Variants in UROS observed in about 807,000 individuals in gnomAD.
UROS encodes the protein uroporphyrinogen-III synthase.
UROS carries 18 observed loss-of-function variants against 33.0 expected under a neutral mutation model. The observed-to-expected ratio is 0.55, with a 90% CI of 0.38 to 0.81. The LOEUF (loss-of-function observed/expected upper bound fraction) is 0.81. UROS is among the 30% of genes least tolerant of loss of function. UROS has a pLI of 0.00. For missense variants in UROS, 293 were observed against 314.9 expected, an observed-to-expected ratio of 0.93 and a Z score of 0.53; for synonymous variants, 114 against 121.1, an observed-to-expected ratio of 0.94 and a Z score of 0.38.
intron 1 of UROS, among the ~76,000 whole-genome samples, chr10:125,817,846 A>G (rs1231198439): frequency 1.3e-5 from 2 of 152,188 alleles, no homozygotes; most frequent in East Asian, 1.9e-4. Context: ...CCTCACATAC[A>G]CTTTGAATAC....
intron 6 of UROS, chr10:125,802,196 C>T (rs1211286616): frequency 5.1e-6 from 5 of 985,378 alleles, no homozygotes; most frequent in East Asian, 1.1e-4. Flanking sequence ...GCATCCTGTA[C>T]CAGGAACCCC....
chr10:125,788,469 G>T (rs547617448), downstream of UROS: 3 of 947,764 alleles, frequency 3.2e-6, no homozygotes, highest in Non-Finnish European at 3.9e-6. Flanking sequence ...ACTTTATATA[G>T]AGCAAATTTT....
At position 125,794,886 on chromosome 10, in the gene UROS, T is replaced by G; in HGVS notation, c.654A>C (p.Gln218His). The G allele has an allele frequency of 6.2e-7, 1 of 1,613,290 alleles. No individual in the cohort carries two copies. The highest frequency in any genetic ancestry group is 1.3e-5 in the African/African-American group (1 of 74,990). ...AGCTCATTGAATAACTTACCTTAAT[T>G]TGATCGATATTGTCACCAGATAACT... ...IQELSGDNIDQIKFAAIGPTT... is the reference protein window; with the variant it reads ...IQELSGDNIDHIKFAAIGPTT... The change falls in exon 9 of 10, where the codon CAA (glutamine) becomes CAC (histidine). Residue 218 changes from glutamine to histidine, a missense_variant. Transcript: ENST00000368797.
At chr10:125,814,096 T>A (rs964954393) in intron 4 of UROS, among the ~76,000 whole-genome samples, 1 of 152,168 alleles carries the variant, frequency 6.6e-6, no homozygotes, top group Non-Finnish European at 1.5e-5. Flanking sequence ...AGCACATCTA[T>A]CTCACAGGAA....
intron 6 of UROS, among the ~76,000 whole-genome samples, chr10:125,800,389 TG>T (rs1418238741): frequency 6.6e-6 from 1 of 152,208 alleles, no homozygotes; most frequent in African/African-American, 2.4e-5. Flanking sequence ...ATGGTTTACC[TG>T]GGCATCCTCG....
chr10:125,790,498 G>T (rs777262054), intron 9 of UROS, among the ~76,000 whole-genome samples: 2 of 152,144 alleles, frequency 1.3e-5, no homozygotes, highest in Non-Finnish European at 2.9e-5. Flanking sequence ...TTTACAAATC[G>T]TATGTCTGAT....
chr10:125,796,260 A>T, intron 7 of UROS, 72 bp from the exon 8 acceptor site: 1 of 1,473,972 alleles, frequency 6.8e-7, no homozygotes, highest in Admixed American at 1.7e-5. Context: ...ACTTCACAGC[A>T]CAGTTGGTGA....
intron 9 of UROS, 22 bp from the exon 10 acceptor site, chr10:125,789,027 C>T (rs1007480133): frequency 1.2e-6 from 2 of 1,612,346 alleles, no homozygotes; most frequent in African/African-American, 2.7e-5. Flanking sequence ...GAAGAGAAAA[C>T]AGGGCTTCAG....
chr10:125,817,187 T>C (rs1031781805), intron 1 of UROS, among the ~76,000 whole-genome samples: 8 of 151,504 alleles, frequency 5.3e-5, no homozygotes, highest in Admixed American at 5.3e-4. Context: ...GTGGCTCTTA[T>C]CTTAATAGCA....
At chr10:125,802,329 T>G (rs1851909161) in intron 6 of UROS, 3 of 985,928 alleles carry the variant, frequency 3.0e-6, no homozygotes, top group Non-Finnish European at 3.6e-6. Context: ...AACAACTGTC[T>G]GTGGCTTCCC....
intron 9 of UROS, chr10:125,794,205 C>A (rs753276069): frequency 1.9e-5 from 7 of 362,792 alleles, no homozygotes; most frequent in Non-Finnish European, 2.7e-5. Flanking sequence ...TGTCTCTGAG[C>A]CCCGTGCTCC....
intron 1 of UROS, among the ~76,000 whole-genome samples, chr10:125,820,612 T>A (rs776786256): frequency 6.6e-5 from 10 of 152,144 alleles, no homozygotes; most frequent in Non-Finnish European, 1.3e-4. Flanking sequence ...AAAGTAACTA[T>A]CACACTGGGC....
chr10:125,802,859 C>A lies in UROS; in HGVS notation c.394+4554G>T, dbSNP rs372472498. The stretch of plus-strand genomic sequence containing the variant: ...AGTTGAGGTCAGGAGGTCCCAGCAG[C>A]CCCTTTCCCTTGGGGCTCAGGCTGG... On this transcript the variant is annotated intron_variant, in intron 6 of 9. Transcript: ENST00000368797. 7 of 1,531,756 alleles carry A rather than the reference C, an allele frequency of 4.6e-6. No homozygotes were observed. The Admixed American group carries it at 1.0e-4, about 22-fold the overall frequency. 94.9% of individuals were successfully genotyped at this position (1,531,756 alleles called of 1,614,324 possible). A position where few individuals can be genotyped will look rare whatever the true frequency, so the allele number is the denominator to read the frequency against.
At chr10:125,799,394 T>C (rs1377277025) in intron 6 of UROS, among the ~76,000 whole-genome samples, 1 of 152,146 alleles carries the variant, frequency 6.6e-6, no homozygotes, top group Non-Finnish European at 1.5e-5. Flanking sequence ...CCCGTTTCTG[T>C]GTGTCTATGT....
At chr10:125,816,283 TG>T (rs1342947806) in intron 2 of UROS, 23 bp from the exon 3 acceptor site, 1 of 1,611,162 alleles carries the variant, frequency 6.2e-7, no homozygotes, top group Non-Finnish European at 8.5e-7. Flanking sequence ...AATATAGTTC[TG>T]GATTGGCTAG....
At chr10:125,792,020 G>C (rs1850968858) in intron 9 of UROS, 1 of 151,930 alleles carries the variant, frequency 6.6e-6, no homozygotes, top group Non-Finnish European at 1.5e-5. Flanking sequence ...GATTACTTGA[G>C]GCCAGGAGTT....
At chr10:125,802,814 C>T (rs1851956120) in intron 6 of UROS, 1 of 1,467,134 alleles carries the variant, frequency 6.8e-7, no homozygotes, top group Non-Finnish European at 9.0e-7. Flanking sequence ...TGTGCGAGGC[C>T]CTGTGCGCTC....
chr10:125,800,097 C>T (rs898236531), intron 6 of UROS, among the ~76,000 whole-genome samples: 8 of 152,026 alleles, frequency 5.3e-5, no homozygotes, highest in African/African-American at 9.7e-5. Context: ...ATTATTATTA[C>T]GCAGCTCAGG....
At chr10:125,811,166 G>A (rs1037168580) in intron 5 of UROS, among the ~76,000 whole-genome samples, 1 of 152,312 alleles carries the variant, frequency 6.6e-6, no homozygotes, top group Non-Finnish European at 1.5e-5. Flanking sequence ...TGATGCTACC[G>A]AAATCAAACT....
Sources: gnomAD v4.1 joint callset for allele counts (sites outside exome capture counted in the v4.1 genomes callset) on GRCh38, gnomAD v4.1.1 for gene constraint, MANE v1.5 for transcripts, NCBI Gene and HGNC (gene_info 2026-07-23, HGNC 2026-07-21) for gene names.